Variants in DACH1 observed in about 807,000 individuals in gnomAD.
DACH1 encodes the protein dachshund family transcription factor 1.
In DACH1, 12 loss-of-function variants were observed where a neutral mutation model predicts 54.2. That is an observed-to-expected ratio of 0.22 (90% CI 0.14 to 0.36). The LOEUF (loss-of-function observed/expected upper bound fraction) is 0.36. DACH1 is among the 10% of genes least tolerant of loss of function. The probability of loss-of-function intolerance (pLI) is 1.00; values close to 1 mark genes in which losing one functional copy is unlikely to be tolerated. For missense variants in DACH1, 805 were observed against 929.8 expected, an observed-to-expected ratio of 0.87 and a Z score of 1.75; for synonymous variants, 386 against 366.2, an observed-to-expected ratio of 1.05 and a Z score of -0.62.
intron 6 of DACH1, among the ~76,000 whole-genome samples, chr13:71,496,611 A>G (rs975239617): frequency 6.6e-6 from 1 of 151,946 alleles, no homozygotes. Context: ...AACGAGTACA[A>G]TGTAGGCTTT....
chr13:71,800,519 C>A (rs1181649950), intron 1 of DACH1, among the ~76,000 whole-genome samples: 1 of 152,044 alleles, frequency 6.6e-6, no homozygotes, highest in African/African-American at 2.4e-5. Context: ...TGCTCTTTTA[C>A]AACAGACACT....
At chr13:71,702,951 A>G (rs1276279456) in intron 1 of DACH1, among the ~76,000 whole-genome samples, 1 of 152,188 alleles carries the variant, frequency 6.6e-6, no homozygotes, top group Non-Finnish European at 1.5e-5. Flanking sequence ...GGATTTTCAA[A>G]TATCTGTTTA....
chr13:71,717,089 G>A (rs1041030810), intron 1 of DACH1, among the ~76,000 whole-genome samples: 1 of 151,950 alleles, frequency 6.6e-6, no homozygotes, highest in Non-Finnish European at 1.5e-5. Context: ...TTCATCCAAA[G>A]AAGATTTTAT....
intron 10 of DACH1, among the ~76,000 whole-genome samples, chr13:71,470,581 C>A (rs1342244326): frequency 6.6e-6 from 1 of 152,092 alleles, no homozygotes; most frequent in African/African-American, 2.4e-5. Flanking sequence ...CCCTACTCAG[C>A]CTCCCAAAGT....
At position 71,727,249 on chromosome 13, in the gene DACH1, AAGT is replaced by A. The variant is rs1216158773; in HGVS notation, c.849-45342_849-45340del. On this transcript the variant is annotated intron_variant, in intron 1 of 10. Coordinates refer to ENST00000613252, the MANE Select transcript of DACH1 (RefSeq NM_080759.6). ...ATTGCATACAATTCATCAATTACTC[AAGT>A]ATGAAAGGAGCACATTTCCCTTGGA... 3.3e-5 allele frequency among the ~76,000 whole-genome samples: 5 copies of A among 152,146 alleles called. No homozygotes were observed. The East Asian group carries it at 9.7e-4, about 29-fold the overall frequency.
intron 10 of DACH1, among the ~76,000 whole-genome samples, chr13:71,462,893 CACACACACACACACACACACACAT>C (rs985908491): frequency 1.6e-4 from 10 of 62,712 alleles, no homozygotes; most frequent in Admixed American, 1.1e-3. Context: ...CACACACACA[CACACACACACACACACACACACAT>C]AAACCATGAA....
chr13:71,460,192 T>C (rs908664257), intron 10 of DACH1, among the ~76,000 whole-genome samples: 1 of 152,142 alleles, frequency 6.6e-6, no homozygotes, highest in African/African-American at 2.4e-5. Flanking sequence ...AGTTATTATA[T>C]GGCTTACCAG....
At chr13:71,705,980 T>G (rs1041302141) in intron 1 of DACH1, among the ~76,000 whole-genome samples, 1 of 152,142 alleles carries the variant, frequency 6.6e-6, no homozygotes, top group Non-Finnish European at 1.5e-5. Flanking sequence ...ATATATTTAT[T>G]TTTCTTTTTA....
chr13:71,744,900 C>T (rs1179001079), intron 1 of DACH1, among the ~76,000 whole-genome samples: 1 of 152,146 alleles, frequency 6.6e-6, no homozygotes, highest in Non-Finnish European at 1.5e-5. Context: ...ATGAATTCTA[C>T]ATAAGCAACC....
intron 1 of DACH1, among the ~76,000 whole-genome samples, chr13:71,802,598 T>C (rs1887332700): frequency 1.3e-5 from 2 of 152,034 alleles, no homozygotes; most frequent in Admixed American, 6.6e-5. Flanking sequence ...AAAAATTTTA[T>C]TCTTTATATT....
chr13:71,670,819 T>C (rs1880165080), intron 2 of DACH1, among the ~76,000 whole-genome samples: 3 of 152,144 alleles, frequency 2.0e-5, no homozygotes, highest in South Asian at 4.1e-4. Flanking sequence ...TTGACATTCA[T>C]GACAATTAGA....
chr13:71,572,706 GA>G, intron 4 of DACH1, 133 bp downstream of exon 4: 4 of 970,970 alleles, frequency 4.1e-6, no homozygotes, highest in Non-Finnish European at 5.8e-6. Flanking sequence ...TGCTACAAGT[GA>G]TTTTTTTTAA....
chr13:71,649,488 A>G (rs1594044236), intron 2 of DACH1, among the ~76,000 whole-genome samples: 1 of 152,298 alleles, frequency 6.6e-6, no homozygotes, highest in East Asian at 1.9e-4. Flanking sequence ...GGATATAAAA[A>G]TTAAATGAGG....
rs1438855083 is a variant in DACH1 at position 71,512,708 on chromosome 13, C to T, written c.1571-23560G>A. ...GTTAATGTATTCATGTGTAAATTGG[C>T]TATAAGGAATTGCACAAATAACTTG... is the stretch of plus-strand genomic sequence containing the variant. On this transcript the variant is annotated intron_variant, in intron 6 of 10. Coordinates refer to ENST00000613252, the MANE Select transcript of DACH1 (RefSeq NM_080759.6). Among the ~76,000 whole-genome samples the T allele has an allele frequency of 3.3e-5, 5 of 151,912 alleles. 1 individual carries two copies. The South Asian group carries it at 6.2e-4, about 19-fold the overall frequency.
At chr13:71,561,341 T>C (rs951311222) in intron 4 of DACH1, among the ~76,000 whole-genome samples, 2 of 152,188 alleles carry the variant, frequency 1.3e-5, no homozygotes, top group African/African-American at 4.8e-5. Flanking sequence ...AAACTGAGTC[T>C]TTGCAGACAT....
chr13:71,838,889 A>T (rs1441766303), intron 1 of DACH1, among the ~76,000 whole-genome samples: 1 of 152,252 alleles, frequency 6.6e-6, no homozygotes, highest in East Asian at 1.9e-4. Context: ...TTAAAAGGTC[A>T]GCTTACAGTT....
chr13:71,472,376 G>A (rs1023224792), intron 10 of DACH1, among the ~76,000 whole-genome samples: 1 of 152,120 alleles, frequency 6.6e-6, no homozygotes, highest in Admixed American at 6.5e-5. Flanking sequence ...AAATGCCAAT[G>A]AGGCAATATT....
intron 2 of DACH1, among the ~76,000 whole-genome samples, chr13:71,658,798 G>A (rs1258255611): frequency 1.3e-5 from 2 of 152,114 alleles, no homozygotes; most frequent in African/African-American, 4.8e-5. Context: ...CCAAAAATGT[G>A]TACATAGTTT....
At chr13:71,800,023 A>C (rs1887227038) in intron 1 of DACH1, among the ~76,000 whole-genome samples, 1 of 152,068 alleles carries the variant, frequency 6.6e-6, no homozygotes, top group South Asian at 2.1e-4. Flanking sequence ...GTATTTCCAG[A>C]AATTTCTCTC....
Sources: gnomAD v4.1 joint callset for allele counts (sites outside exome capture counted in the v4.1 genomes callset) on GRCh38, gnomAD v4.1.1 for gene constraint, MANE v1.5 for transcripts, NCBI Gene and HGNC (gene_info 2026-07-23, HGNC 2026-07-21) for gene names.